The following POC1B variants were observed in gnomAD, a reference collection of about 807,000 sequenced individuals.
The protein encoded by POC1B is POC1 centriolar protein homolog B.
POC1B carries 44 observed loss-of-function variants against 60.6 expected under a neutral mutation model. The ratio of observed to expected loss-of-function variants is 0.73; its 90% CI spans 0.57 to 0.93. The LOEUF (loss-of-function observed/expected upper bound fraction) is 0.93, where lower values mean the gene tolerates loss of function less well. Ranked by LOEUF, POC1B falls within the 40% of genes least tolerant of loss-of-function variation. The probability of loss-of-function intolerance (pLI) is 0.00; values close to 1 mark genes in which losing one functional copy is unlikely to be tolerated. For synonymous variants in POC1B, 180 were observed against 198.9 expected (o/e 0.90, Z 0.80); for missense variants, 555 against 572.3 (o/e 0.97, Z 0.31).
chr12:89,445,074 G>A lies in POC1B; in HGVS notation c.1113+14564C>T, dbSNP rs554809077. Among the ~76,000 whole-genome samples, 28 of 152,212 alleles carry A rather than the reference G, an allele frequency of 1.8e-4. No individual in the cohort carries two copies. The East Asian group carries it at 5.4e-3, about 29-fold the overall frequency. On this transcript the variant is annotated intron_variant, in intron 10 of 11. Coordinates refer to ENST00000313546, the MANE Select transcript of POC1B (RefSeq NM_172240.3). Reference sequence around the variant, plus strand: ...GGGGTGTGAAGGACCTCTTCAAGGAGAACTAGAAACCACTGCTCAACAAAA... The same window carrying A: ...GGGGTGTGAAGGACCTCTTCAAGGAAAACTAGAAACCACTGCTCAACAAAA...
intron 2 of POC1B, among the ~76,000 whole-genome samples, chr12:89,508,043 A>C (rs1869986985): frequency 6.6e-6 from 1 of 152,242 alleles, no homozygotes; most frequent in Non-Finnish European, 1.5e-5. Context: ...ATCTCCTTCT[A>C]GTCCTTGGCA....
chr12:89,403,031 G>A, the POC1B span, among the ~76,000 whole-genome samples: 1 of 142,782 alleles, frequency 7.0e-6, no homozygotes, highest in East Asian at 2.0e-4. Context: ...TTTTTGAGAT[G>A]GAGTCTTACT....
intron 10 of POC1B, among the ~76,000 whole-genome samples, chr12:89,437,297 A>G (rs770608804): frequency 1.4e-4 from 21 of 152,056 alleles, no homozygotes; most frequent in South Asian, 2.1e-4. Context: ...GGTCCCCCCA[A>G]TTCTTAGGGT....
At chr12:89,432,951 G>A (rs1480465922) in intron 10 of POC1B, among the ~76,000 whole-genome samples, 2 of 152,166 alleles carry the variant, frequency 1.3e-5, no homozygotes, top group East Asian at 1.9e-4. Flanking sequence ...GGTGACTGGT[G>A]GCCCTTGAGG....
intron 4 of POC1B, among the ~76,000 whole-genome samples, chr12:89,481,121 G>A (rs111335369): frequency 1.3e-5 from 2 of 152,116 alleles, no homozygotes; most frequent in African/African-American, 2.4e-5. Context: ...TGATCCACCC[G>A]CCTCGGCCTC....
At chr12:89,464,493 T>TTTG (rs967985384) in intron 9 of POC1B, among the ~76,000 whole-genome samples, 1 of 142,578 alleles carries the variant, frequency 7.0e-6, no homozygotes, top group African/African-American at 2.6e-5. Context: ...GTTTTTTTTT[T>TTTG]TTTTTTTTTT....
chr12:89,511,194 G>A (rs1391684456), intron 2 of POC1B, among the ~76,000 whole-genome samples: 1 of 151,658 alleles, frequency 6.6e-6, no homozygotes, highest in African/African-American at 2.4e-5. Flanking sequence ...AGGCTGAGGC[G>A]GGTAGATCAC....
chr12:89,408,247 A>ATTGCAGCT, the POC1B span, among the ~76,000 whole-genome samples: 2 of 152,126 alleles, frequency 1.3e-5, no homozygotes, highest in African/African-American at 4.8e-5. Flanking sequence ...TGCTATTGTG[A>ATTGCAGCT]ATAGTGCTGC....
intron 10 of POC1B, among the ~76,000 whole-genome samples, chr12:89,442,282 C>T (rs1881559533): frequency 6.6e-6 from 1 of 152,100 alleles, no homozygotes; most frequent in Non-Finnish European, 1.5e-5. Context: ...TTAAGAAGAA[C>T]AACTCCAAGA....
At chr12:89,410,678 C>CAAAAA in the POC1B span, among the ~76,000 whole-genome samples, 1 of 134,906 alleles carries the variant, frequency 7.4e-6, no homozygotes, top group Non-Finnish European at 1.6e-5. Context: ...GACTCCGTCT[C>CAAAAA]AAAAAAAAAA....
At chr12:89,473,918 A>T (rs1883006562) in intron 4 of POC1B, among the ~76,000 whole-genome samples, 1 of 151,872 alleles carries the variant, frequency 6.6e-6, no homozygotes, top group Non-Finnish European at 1.5e-5. Flanking sequence ...TAATTATAAA[A>T]AACTGGCCAG....
intron 2 of POC1B, chr12:89,522,291 C>T: frequency 2.5e-6 from 1 of 397,526 alleles, no homozygotes; most frequent in Non-Finnish European, 4.4e-6. Flanking sequence ...TTGCCTTAAG[C>T]TCAATTTTCT....
chr12:89,521,847 C>A, intron 2 of POC1B: 1 of 397,544 alleles, frequency 2.5e-6, no homozygotes, highest in Non-Finnish European at 4.4e-6. Flanking sequence ...ATCAGCAGAA[C>A]TCGTAGGAGA....
chr12:89,517,546 T>A (rs927324217), intron 2 of POC1B, among the ~76,000 whole-genome samples: 43 of 151,960 alleles, frequency 2.8e-4, no homozygotes, highest in Non-Finnish European at 4.7e-4. Context: ...GGCATGAGAA[T>A]CGCTTGAACT....
At chr12:89,430,077 C>T (rs182807703) in intron 10 of POC1B, among the ~76,000 whole-genome samples, 2 of 152,260 alleles carry the variant, frequency 1.3e-5, no homozygotes, top group Admixed American at 1.3e-4. Context: ...CTTTGGATAA[C>T]CCCATGGTTG....
chr12:89,430,540 G>C (rs112546644), intron 10 of POC1B, among the ~76,000 whole-genome samples: 177 of 152,272 alleles, frequency 1.2e-3, no homozygotes, highest in African/African-American at 4.1e-3. Context: ...ACGTGCGAAA[G>C]TTCATACATT....
chr12:89,484,528 A>T (rs1031512316), intron 4 of POC1B, among the ~76,000 whole-genome samples: 1 of 152,226 alleles, frequency 6.6e-6, no homozygotes, highest in African/African-American at 2.4e-5. Flanking sequence ...GCATGTGAGG[A>T]TAGTTAATAG....
chr12:89,509,034 TGTCACACACTA>T (rs1870044357), intron 2 of POC1B, among the ~76,000 whole-genome samples: 1 of 152,246 alleles, frequency 6.6e-6, no homozygotes, highest in African/African-American at 2.4e-5. Flanking sequence ...CTCACCAAAC[TGTCACACACTA>T]ATTTTAGCAT....
At position 89,475,910 on chromosome 12, in the gene POC1B, C is replaced by CTTTTTT. The variant is rs972058107; in HGVS notation, c.453-3641_453-3636dup. On this transcript the variant is annotated intron_variant, in intron 4 of 11. Transcript: ENST00000313546. ...ATTCACTCAAAAGAATGAGGGAATTCTTTTTTTTTTTTTTTTTTTTTTTTG... is the reference window on the plus strand; with the variant it reads ...ATTCACTCAAAAGAATGAGGGAATTCTTTTTTTTTTTTTTTTTTTTTTTTTTTTTTG... Among the ~76,000 whole-genome samples the CTTTTTT allele has an allele frequency of 3.1e-3, 265 of 86,104 alleles. 19 individuals are homozygous for CTTTTTT. Among genetic ancestry groups the CTTTTTT allele is most frequent in the African/African-American group, 0.011 (243 of 21,400 alleles). 56.5% of individuals were successfully genotyped at this position (86,104 alleles called of 152,430 possible).
Sources: gnomAD v4.1 joint callset for allele counts (sites outside exome capture counted in the v4.1 genomes callset) on GRCh38, gnomAD v4.1.1 for gene constraint, MANE v1.5 for transcripts, NCBI Gene and HGNC (gene_info 2026-07-23, HGNC 2026-07-21) for gene names.